The following HACE1 variants were observed in gnomAD, a reference collection of about 807,000 sequenced individuals.
HACE1 encodes the protein HECT domain and ankyrin repeat containing E3 ubiquitin protein ligase 1.
HACE1 carries 73 observed loss-of-function variants against 118.4 expected under a neutral mutation model. The observed-to-expected ratio is 0.62, with a 90% CI of 0.51 to 0.75. The LOEUF (loss-of-function observed/expected upper bound fraction) is 0.75. HACE1 is among the 30% of genes least tolerant of loss of function. The pLI is 0.00. For synonymous variants in HACE1, 368 were observed against 374.8 expected (o/e 0.98, Z 0.21); for missense variants, 749 against 1,102.2 (o/e 0.68, Z 4.54).
chr6:104,835,403 C>T (rs143710257), intron 5 of HACE1, among the ~76,000 whole-genome samples: 15 of 151,926 alleles, frequency 9.9e-5, no homozygotes, highest in African/African-American at 3.6e-4. Flanking sequence ...TGATTGCATC[C>T]CTGAAATGAG....
chr6:104,781,345 T>C (rs1781724422), intron 14 of HACE1, among the ~76,000 whole-genome samples: 1 of 152,156 alleles, frequency 6.6e-6, no homozygotes, highest in African/African-American at 2.4e-5. Flanking sequence ...AACACTTCCT[T>C]ACTTTCTTAC....
intron 6 of HACE1, among the ~76,000 whole-genome samples, chr6:104,828,837 A>C (rs1360508051): frequency 6.6e-6 from 1 of 152,084 alleles, no homozygotes; most frequent in East Asian, 1.9e-4. Context: ...ATAAATTTGA[A>C]AAAGCACTTC....
At chr6:104,859,397 CG>C in intron 1 of HACE1, 169 bp downstream of exon 1, 1 of 554,916 alleles carries the variant, frequency 1.8e-6, no homozygotes, top group Non-Finnish European at 3.1e-6. Flanking sequence ...GTGGGAGCGT[CG>C]GGCCAGGGGA....
chr6:104,735,736 A>G (rs1014818841), intron 22 of HACE1, among the ~76,000 whole-genome samples: 2 of 152,200 alleles, frequency 1.3e-5, no homozygotes, highest in African/African-American at 2.4e-5. Context: ...ATGAATATAT[A>G]TCAAGATTAT....
intron 19 of HACE1, among the ~76,000 whole-genome samples, chr6:104,759,714 G>A (rs1002460919): frequency 6.6e-6 from 1 of 151,992 alleles, no homozygotes; most frequent in Non-Finnish European, 1.5e-5. Context: ...CAGAATTGAA[G>A]GAGACAGGAA....
intron 5 of HACE1, among the ~76,000 whole-genome samples, chr6:104,834,555 T>A (rs1435867286): frequency 6.6e-6 from 1 of 152,200 alleles, no homozygotes; most frequent in South Asian, 2.1e-4. Context: ...GTTTAATCCA[T>A]GCATCAGTCT....
intron 7 of HACE1, among the ~76,000 whole-genome samples, chr6:104,803,432 T>C (rs1770621272): frequency 6.6e-6 from 1 of 152,178 alleles, no homozygotes; most frequent in Non-Finnish European, 1.5e-5. Flanking sequence ...TTTAGACCAA[T>C]ATCCTTGATG....
chr6:104,785,865 G>A (rs1782331832), intron 11 of HACE1: 1 of 152,676 alleles, frequency 6.5e-6, no homozygotes, highest in African/African-American at 2.4e-5. Flanking sequence ...CTAATGAACA[G>A]CTTTTTTACT....
At chr6:104,788,611 T>G (rs772871860) in intron 11 of HACE1, among the ~76,000 whole-genome samples, 2 of 152,130 alleles carry the variant, frequency 1.3e-5, no homozygotes, top group South Asian at 4.1e-4. Context: ...CAATCTTTCT[T>G]GGTTACCAAA....
chr6:104,741,521 C>A lies in HACE1; in HGVS notation c.2513+2639G>T, dbSNP rs1423616146. 1.1e-4 allele frequency among the ~76,000 whole-genome samples: 12 copies of A among 105,842 alleles called. 1 individual carries two copies. The highest frequency in any genetic ancestry group is 2.1e-4 in the Non-Finnish European group (11 of 51,882). The allele number at this position is 105,842 out of a possible 152,430, so 69.4% of individuals were successfully genotyped here. A position where few individuals can be genotyped will look rare whatever the true frequency, so the allele number is the denominator to read the frequency against. On this transcript the variant is annotated intron_variant, in intron 22 of 23. Coordinates refer to ENST00000262903, the MANE Select transcript of HACE1 (RefSeq NM_020771.4). ...AGCATTCTTATACACCAACAACAGA[C>A]AAACAGAGAGCCAAATCATGAGTGA...
chr6:104,831,752 G>A (rs1169462762), intron 6 of HACE1, among the ~76,000 whole-genome samples: 1 of 151,710 alleles, frequency 6.6e-6, no homozygotes, highest in Non-Finnish European at 1.5e-5. Context: ...AATTAGCCGG[G>A]CGTGGTGGCC....
At chr6:104,852,892 T>C (rs1776380876) in intron 1 of HACE1, among the ~76,000 whole-genome samples, 1 of 152,188 alleles carries the variant, frequency 6.6e-6, no homozygotes, top group Non-Finnish European at 1.5e-5. Context: ...TTCTTGTCAA[T>C]ATTATTACAA....
At chr6:104,753,635 G>A (rs1778301575) in intron 19 of HACE1, among the ~76,000 whole-genome samples, 1 of 152,100 alleles carries the variant, frequency 6.6e-6, no homozygotes, top group Non-Finnish European at 1.5e-5. Context: ...AGGACCCCTG[G>A]CAAACCACAG....
chr6:104,759,598 G>T (rs1779103932), intron 19 of HACE1, among the ~76,000 whole-genome samples: 1 of 152,208 alleles, frequency 6.6e-6, no homozygotes, highest in East Asian at 1.9e-4. Flanking sequence ...GAGAAAGCAG[G>T]AGAGATCTAA....
At chr6:104,780,820 C>T (rs1781655685) in intron 14 of HACE1, among the ~76,000 whole-genome samples, 1 of 152,142 alleles carries the variant, frequency 6.6e-6, no homozygotes, top group African/African-American at 2.4e-5. Flanking sequence ...ATTGTCCTGT[C>T]CTGTCTCCTT....
intron 10 of HACE1, among the ~76,000 whole-genome samples, chr6:104,794,222 T>C (rs533191457): frequency 6.6e-6 from 1 of 152,324 alleles, no homozygotes; most frequent in African/African-American, 2.4e-5. Flanking sequence ...CTTAGCTTGG[T>C]ACCTGCTTAA....
At chr6:104,765,242 TA>T (rs916988772) in intron 19 of HACE1, among the ~76,000 whole-genome samples, 1 of 152,204 alleles carries the variant, frequency 6.6e-6, no homozygotes, top group Admixed American at 6.5e-5. Flanking sequence ...GCCACTGGTA[TA>T]AAATATTTTC....
At chr6:104,774,861 G>A (rs1241170067) in intron 17 of HACE1, among the ~76,000 whole-genome samples, 1 of 152,128 alleles carries the variant, frequency 6.6e-6, no homozygotes, top group Non-Finnish European at 1.5e-5. Flanking sequence ...TAGAAAACAA[G>A]TTCTTTAAAA....
intron 7 of HACE1, 24 bp downstream of exon 7, chr6:104,811,287 A>G (rs749186637): frequency 2.8e-6 from 2 of 702,164 alleles, no homozygotes; most frequent in Non-Finnish European, 5.0e-6. Flanking sequence ...CATATATAGC[A>G]TCTGGAAATA....
Sources: allele counts gnomAD v4.1 joint callset (sites outside exome capture counted in the v4.1 genomes callset), GRCh38; gene constraint gnomAD v4.1.1; transcripts MANE v1.5; gene names NCBI Gene and HGNC (gene_info 2026-07-23, HGNC 2026-07-21).